SYT1: variants seen among roughly 807,000 people sequenced by gnomAD.
SYT1 encodes the protein synaptotagmin-1.
SYT1 carries 8 observed loss-of-function variants against 44.8 expected under a neutral mutation model. That is an observed-to-expected ratio of 0.18 (90% CI 0.10 to 0.32). The LOEUF (loss-of-function observed/expected upper bound fraction) is 0.32, where lower values mean the gene tolerates loss of function less well. Ranked by LOEUF, SYT1 falls within the 10% of genes least tolerant of loss-of-function variation. The pLI is 1.00. For synonymous variants in SYT1, 154 were observed against 188.8 expected, an observed-to-expected ratio of 0.82 and a Z score of 1.51; for missense variants, 286 against 509.3, an observed-to-expected ratio of 0.56 and a Z score of 4.22.
At chr12:79,296,339 G>A in intron 7 of SYT1, 103 bp downstream of exon 7, 2 of 1,205,316 alleles carry the variant, frequency 1.7e-6, no homozygotes, top group Non-Finnish European at 2.3e-6. Flanking sequence ...GCTTGTTCAG[G>A]CACTCACAAT....
intron 3 of SYT1, among the ~76,000 whole-genome samples, chr12:79,185,779 A>G (rs1294811798): frequency 2.6e-5 from 4 of 152,032 alleles, no homozygotes; most frequent in Non-Finnish European, 5.9e-5. Flanking sequence ...TGATTATTTT[A>G]TAGCAAAGTT....
At chr12:79,192,222 C>G (rs1181186467) in intron 3 of SYT1, among the ~76,000 whole-genome samples, 1 of 152,056 alleles carries the variant, frequency 6.6e-6, no homozygotes, top group Non-Finnish European at 1.5e-5. Context: ...GAAAAGAGAT[C>G]ACATAGGATG....
intron 3 of SYT1, among the ~76,000 whole-genome samples, chr12:79,102,253 C>CTTCTCTCTCTCTCTCT (rs1446762604): frequency 6.7e-6 from 1 of 148,338 alleles, no homozygotes; most frequent in Non-Finnish European, 1.5e-5. Flanking sequence ...CCTCTCTTTC[C>CTTCTCTCTCTCTCTCT]TTCTCTCTCT....
intron 4 of SYT1, among the ~76,000 whole-genome samples, chr12:79,224,476 C>T (rs1371691425): frequency 1.3e-5 from 2 of 152,022 alleles, no homozygotes; most frequent in Non-Finnish European, 2.9e-5. Flanking sequence ...GGAGGAGAAG[C>T]TATCACAAAA....
At chr12:79,409,627 T>C (rs1868343830) in intron 9 of SYT1, among the ~76,000 whole-genome samples, 1 of 152,116 alleles carries the variant, frequency 6.6e-6, no homozygotes, top group South Asian at 2.1e-4. Context: ...AAGACCATAA[T>C]CTAAAGCCAG....
chr12:79,009,056 A>G (rs1241183344), intron 2 of SYT1, among the ~76,000 whole-genome samples: 1 of 152,176 alleles, frequency 6.6e-6, no homozygotes, highest in African/African-American at 2.4e-5. Flanking sequence ...CCTTCCATCA[A>G]ATTTAAAATA....
chr12:79,390,894 A>C (rs947592949), intron 9 of SYT1, among the ~76,000 whole-genome samples: 1 of 152,210 alleles, frequency 6.6e-6, no homozygotes, highest in African/African-American at 2.4e-5. Flanking sequence ...AGCCTTCCCC[A>C]GAACCTGACT....
At chr12:79,335,887 C>T (rs1882068975) in intron 8 of SYT1, among the ~76,000 whole-genome samples, 1 of 152,212 alleles carries the variant, frequency 6.6e-6, no homozygotes, top group Admixed American at 6.5e-5. Flanking sequence ...TGCCCATGTT[C>T]ACCTTGACAG....
chr12:78,888,067 A>T (rs1182819838), intron 1 of SYT1, among the ~76,000 whole-genome samples: 1 of 151,922 alleles, frequency 6.6e-6, no homozygotes, highest in Non-Finnish European at 1.5e-5. Context: ...GAAAATTAAG[A>T]TGTGTCATTG....
intron 3 of SYT1, among the ~76,000 whole-genome samples, chr12:79,053,880 A>G (rs1041046834): frequency 6.6e-6 from 1 of 152,004 alleles, no homozygotes; most frequent in African/African-American, 2.4e-5. Flanking sequence ...CATCCAGAAA[A>G]AAAATTCTCT....
chr12:79,330,316 A>C (rs1881798343), intron 8 of SYT1, among the ~76,000 whole-genome samples: 1 of 152,226 alleles, frequency 6.6e-6, no homozygotes. Context: ...GGCTGTGAAC[A>C]CTTGCACCAG....
At chr12:79,435,038 C>G (rs940857314) in intron 9 of SYT1, among the ~76,000 whole-genome samples, 1 of 152,112 alleles carries the variant, frequency 6.6e-6, no homozygotes, top group Non-Finnish European at 1.5e-5. Flanking sequence ...ATAGAATAAG[C>G]ATTTCATCTA....
intron 6 of SYT1, among the ~76,000 whole-genome samples, chr12:79,294,890 C>CA (rs10591213): frequency 1.4e-3 from 193 of 137,094 alleles, no homozygotes; most frequent in Non-Finnish European, 1.6e-3. Flanking sequence ...CATGATTCCA[C>CA]AAAAAAAAAA....
chr12:78,878,245 G>A (rs1043010641), intron 1 of SYT1, among the ~76,000 whole-genome samples: 6 of 151,668 alleles, frequency 4.0e-5, no homozygotes, highest in Admixed American at 6.6e-5. Flanking sequence ...TGGAGAACTA[G>A]TCTATGGAAA....
At chr12:78,988,789 A>C (rs530611527) in intron 2 of SYT1, among the ~76,000 whole-genome samples, 1 of 152,152 alleles carries the variant, frequency 6.6e-6, no homozygotes, top group Non-Finnish European at 1.5e-5. Context: ...GGTTTTCAAT[A>C]GGAAAATGCT....
At chr12:79,148,488 A>G (rs908899724) in intron 3 of SYT1, among the ~76,000 whole-genome samples, 2 of 152,088 alleles carry the variant, frequency 1.3e-5, no homozygotes, top group African/African-American at 4.8e-5. Context: ...TCTTCAACTA[A>G]CGATCAGTTA....
chr12:79,174,861 A>G (rs1162823037), intron 3 of SYT1, among the ~76,000 whole-genome samples: 4 of 152,048 alleles, frequency 2.6e-5, no homozygotes, highest in Non-Finnish European at 5.9e-5. Context: ...AGACAGATAC[A>G]AGGTCTTGCC....
chr12:79,140,339 T>C (rs1869475767), intron 3 of SYT1, among the ~76,000 whole-genome samples: 1 of 152,186 alleles, frequency 6.6e-6, no homozygotes, highest in African/African-American at 2.4e-5. Flanking sequence ...TTCCCTTTAC[T>C]GCGTATCTGC....
At chr12:78,947,487 G>A (rs1032433722) in intron 1 of SYT1, among the ~76,000 whole-genome samples, 3 of 145,776 alleles carry the variant, frequency 2.1e-5, no homozygotes, top group Non-Finnish European at 4.5e-5. Flanking sequence ...TTAGCCAGAT[G>A]ACAGAGACAG....
Sources: allele counts gnomAD v4.1 joint callset (sites outside exome capture counted in the v4.1 genomes callset), GRCh38; gene constraint gnomAD v4.1.1; transcripts MANE v1.5; gene names NCBI Gene and HGNC (gene_info 2026-07-23, HGNC 2026-07-21).